Variants in NRG3 observed in about 807,000 individuals in gnomAD.
NRG3 encodes neuregulin 3.
NRG3 carries 31 observed loss-of-function variants against 66.9 expected under a neutral mutation model. That is an observed-to-expected ratio of 0.46 (90% CI 0.35 to 0.63). The LOEUF is 0.63. Ranked by LOEUF, NRG3 falls within the 20% of genes least tolerant of loss-of-function variation. NRG3 has a pLI of 0.00. For synonymous variants in NRG3, 393 were observed against 359.4 expected, an observed-to-expected ratio of 1.09 and a Z score of -1.06; for missense variants, 910 against 878.9, an observed-to-expected ratio of 1.04 and a Z score of -0.45.
At chr10:82,744,264 G>A (rs1469220502) in intron 3 of NRG3, among the ~76,000 whole-genome samples, 2 of 152,086 alleles carry the variant, frequency 1.3e-5, no homozygotes, top group African/African-American at 4.8e-5. Context: ...ATCCATTTGG[G>A]ATGCTATGAA....
At chr10:82,131,344 C>T (rs11192647) in intron 1 of NRG3, among the ~76,000 whole-genome samples, 122 of 152,094 alleles carry the variant, frequency 8.0e-4, no homozygotes, top group Non-Finnish European at 1.5e-3. Flanking sequence ...AAAATTAGTT[C>T]ACTGTAGGTG....
intron 1 of NRG3, among the ~76,000 whole-genome samples, chr10:82,313,310 C>T (rs1425620462): frequency 6.6e-6 from 1 of 151,846 alleles, no homozygotes; most frequent in African/African-American, 2.4e-5. Flanking sequence ...GCACTCCAGC[C>T]TCGGTGACAG....
In NRG3 at chr10:82,963,402, C is replaced by G. The variant is rs113780078; in HGVS notation, c.1284+4327C>G. ...TGTTTATCAAGAATTTGCATTAGGC[C>G]GGGCGCGGTGGCTCACGCCTGTAAT... On this transcript the variant is annotated intron_variant, in intron 6 of 8. Coordinates refer to ENST00000372141, the MANE Select transcript of NRG3 (RefSeq NM_001010848.4). Among the ~76,000 whole-genome samples, 1,223 of 152,290 alleles carry G rather than the reference C, an allele frequency of 8.0e-3. 21 individuals are homozygous for G. The highest frequency in any genetic ancestry group is 0.028 in the African/African-American group (1,182 of 41,568).
chr10:82,287,230 A>G (rs2079468851), intron 1 of NRG3, among the ~76,000 whole-genome samples: 3 of 151,880 alleles, frequency 2.0e-5, no homozygotes, highest in African/African-American at 7.3e-5. Flanking sequence ...ATACTGAGTA[A>G]GTTCTCATGG....
At chr10:82,443,508 A>G (rs1047102633) in intron 2 of NRG3, among the ~76,000 whole-genome samples, 4 of 152,212 alleles carry the variant, frequency 2.6e-5, no homozygotes, top group Non-Finnish European at 5.9e-5. Context: ...CAAATATCTC[A>G]TCAATCCTTT....
At chr10:82,495,195 A>C (rs1843507670) in intron 2 of NRG3, among the ~76,000 whole-genome samples, 1 of 152,036 alleles carries the variant, frequency 6.6e-6, no homozygotes, top group Non-Finnish European at 1.5e-5. Context: ...TCGGCCTCCC[A>C]AAGTGCTGGG....
At chr10:82,154,493 A>C (rs1440297484) in intron 1 of NRG3, among the ~76,000 whole-genome samples, 3 of 150,972 alleles carry the variant, frequency 2.0e-5, no homozygotes, top group African/African-American at 7.3e-5. Context: ...TATATTTTGA[A>C]ATCAGGAGTG....
intron 1 of NRG3, among the ~76,000 whole-genome samples, chr10:82,260,162 A>G (rs2077950028): frequency 6.6e-6 from 1 of 152,162 alleles, no homozygotes; most frequent in South Asian, 2.1e-4. Flanking sequence ...CTTCATAGTC[A>G]GGCTAAAGGG....
intron 1 of NRG3, among the ~76,000 whole-genome samples, chr10:81,918,818 C>CAAAAAACAAA (rs11268762): frequency 6.9e-6 from 1 of 145,778 alleles, no homozygotes; most frequent in African/African-American, 2.5e-5. Context: ...AGGATTTTTG[C>CAAAAAACAAA]AAAAAACAAA....
At chr10:82,350,758 C>G (rs1411867752) in intron 1 of NRG3, among the ~76,000 whole-genome samples, 2 of 152,120 alleles carry the variant, frequency 1.3e-5, no homozygotes, top group Non-Finnish European at 2.9e-5. Flanking sequence ...CCCAGGGAGC[C>G]TTCTCTGATG....
chr10:82,071,553 G>T (rs2064807273), intron 1 of NRG3, among the ~76,000 whole-genome samples: 1 of 152,300 alleles, frequency 6.6e-6, no homozygotes, highest in Middle Eastern at 3.4e-3. Flanking sequence ...AAGGGACACT[G>T]TTGCTGAGCA....
intron 1 of NRG3, among the ~76,000 whole-genome samples, chr10:82,158,561 A>G (rs539334862): frequency 6.6e-6 from 1 of 151,862 alleles, no homozygotes; most frequent in East Asian, 1.9e-4. Flanking sequence ...GGTAAATTGG[A>G]TGTATATTTC....
intron 2 of NRG3, among the ~76,000 whole-genome samples, chr10:82,437,433 C>T (rs2090199192): frequency 6.6e-6 from 1 of 151,940 alleles, no homozygotes; most frequent in East Asian, 1.9e-4. Context: ...GTTAGCAATT[C>T]CTCTAACCTT....
intron 2 of NRG3, among the ~76,000 whole-genome samples, chr10:82,516,540 A>T (rs1486692411): frequency 6.6e-6 from 1 of 152,184 alleles, no homozygotes; most frequent in Non-Finnish European, 1.5e-5. Flanking sequence ...GTAGATTTTA[A>T]TGAAGGAAAA....
intron 3 of NRG3, among the ~76,000 whole-genome samples, chr10:82,815,968 A>G (rs2061688403): frequency 6.6e-6 from 1 of 152,160 alleles, no homozygotes. Context: ...TGGCTGGACC[A>G]CATGTGGTAC....
intron 1 of NRG3, among the ~76,000 whole-genome samples, chr10:82,115,399 A>T (rs577287398): frequency 6.6e-6 from 1 of 152,220 alleles, no homozygotes; most frequent in African/African-American, 2.4e-5. Flanking sequence ...CCTGATTGAA[A>T]CTTGTATCAA....
intron 1 of NRG3, among the ~76,000 whole-genome samples, chr10:82,090,851 G>T (rs2065987141): frequency 6.6e-6 from 1 of 152,140 alleles, no homozygotes; most frequent in Non-Finnish European, 1.5e-5. Context: ...AAGTATTCAT[G>T]AATTTTGTTT....
In NRG3 at chr10:81,935,918, CA is replaced by C. The variant is rs148137361; in HGVS notation, c.823+59756del. On this transcript the variant is annotated intron_variant, in intron 1 of 8. Transcript: ENST00000372141. ...ACACACACACACACACACACACACA[CA>C]CACACAGTTTCCTGTGTTAAAATGG... is the stretch of plus-strand genomic sequence containing the variant. Among the ~76,000 whole-genome samples the C allele has an allele frequency of 1.6e-3, 215 of 138,156 alleles. 1 individual carries two copies. The highest frequency in any genetic ancestry group is 5.9e-3 in the African/African-American group (189 of 31,968). The allele number at this position is 138,156 out of a possible 152,430, so 90.6% of individuals were successfully genotyped here. A position where few individuals can be genotyped will look rare whatever the true frequency, so the allele number is the denominator to read the frequency against.
At chr10:82,525,974 A>G (rs994087793) in intron 2 of NRG3, among the ~76,000 whole-genome samples, 1 of 151,958 alleles carries the variant, frequency 6.6e-6, no homozygotes, top group Admixed American at 6.6e-5. Context: ...AGAGACAGCC[A>G]GGAAGAAAGA....
Sources: gnomAD v4.1 joint callset for allele counts (sites outside exome capture counted in the v4.1 genomes callset) on GRCh38, gnomAD v4.1.1 for gene constraint, MANE v1.5 for transcripts, NCBI Gene and HGNC (gene_info 2026-07-23, HGNC 2026-07-21) for gene names.